Variants in ARID1B observed in about 807,000 individuals in gnomAD.
The protein encoded by ARID1B is AT-rich interactive domain-containing protein 1B.
ARID1B carries 30 observed loss-of-function variants against 212.3 expected under a neutral mutation model. The ratio of observed to expected loss-of-function variants is 0.14; its 90% CI spans 0.11 to 0.19. ARID1B has a LOEUF of 0.19. ARID1B is among the 10% of genes least tolerant of loss of function. The probability of loss-of-function intolerance (pLI) is 1.00; values close to 1 mark genes in which losing one functional copy is unlikely to be tolerated. For missense variants in ARID1B, 2,891 were observed against 3,204.0 expected (o/e 0.90, Z 2.36); for synonymous variants, 1,402 against 1,301.7 (o/e 1.08, Z -1.66).
At chr6:157,009,371 G>A (rs903086513) in intron 4 of ARID1B, among the ~76,000 whole-genome samples, 4 of 152,184 alleles carry the variant, frequency 2.6e-5, no homozygotes, top group African/African-American at 7.2e-5. Flanking sequence ...CAATGACCTG[G>A]AAGAGATGAC....
At chr6:157,205,368 G>A (rs907152176) in intron 19 of ARID1B, 1 of 152,152 alleles carries the variant, frequency 6.6e-6, no homozygotes, top group Admixed American at 6.5e-5. Flanking sequence ...TAAACATGGT[G>A]GGGGGTGTTG....
At chr6:157,204,141 A>C in intron 19 of ARID1B, 145 bp downstream of exon 19, 1 of 1,026,320 alleles carries the variant, frequency 9.7e-7, no homozygotes, top group African/African-American at 1.6e-5. Flanking sequence ...ACCAGCCTTA[A>C]TCAATGTAGA....
At chr6:157,012,352 C>T (rs577682902) in intron 4 of ARID1B, among the ~76,000 whole-genome samples, 4 of 152,318 alleles carry the variant, frequency 2.6e-5, no homozygotes, top group Non-Finnish European at 5.9e-5. Flanking sequence ...GTCCACCAGG[C>T]AGTTGTGAGA....
At chr6:156,984,182 A>G (rs147336759) in intron 4 of ARID1B, among the ~76,000 whole-genome samples, 1 of 152,108 alleles carries the variant, frequency 6.6e-6, no homozygotes, top group African/African-American at 2.4e-5. Flanking sequence ...CAAACCTTGG[A>G]GATGGGAAAC....
intron 2 of ARID1B, among the ~76,000 whole-genome samples, chr6:156,892,773 A>G (rs969866600): frequency 2.6e-5 from 4 of 152,200 alleles, no homozygotes; most frequent in Non-Finnish European, 1.5e-5. Context: ...CAAACAGACC[A>G]TATGGTGTGT....
rs919946683 is a variant in ARID1B at position 157,102,635 on chromosome 6, C to T, written c.2492-7837C>T. On this transcript the variant is annotated intron_variant, in intron 5 of 19. Coordinates refer to ENST00000636930, the MANE Select transcript of ARID1B (RefSeq NM_001374828.1). ...TTTTTTTTTTTTTTTTTTTTTGAGA[C>T]GGAGTCTTGCTCTGTCACCCAGGCT... Among the ~76,000 whole-genome samples, 9 of 98,902 alleles carry T rather than the reference C, an allele frequency of 9.1e-5. No individual in the cohort carries two copies. The South Asian group carries it at 1.8e-3, about 20-fold the overall frequency. The allele number at this position is 98,902 out of a possible 152,430, so 64.9% of individuals were successfully genotyped here.
In ARID1B at chr6:157,074,385, C is replaced by T. The variant is rs189310812; in HGVS notation, c.2248-10277C>T. 2.0e-3 allele frequency among the ~76,000 whole-genome samples: 300 copies of T among 152,152 alleles called. 3 individuals are homozygous for T. Among genetic ancestry groups the T allele is most frequent in the African/African-American group, 6.9e-3 (287 of 41,502 alleles). ...GGGATTACAGGTGTGCCTCACCACA[C>T]GGGGCTAATTTTTATTTTTAGTAGA... On this transcript the variant is annotated intron_variant, in intron 4 of 19. Coordinates refer to ENST00000636930, the MANE Select transcript of ARID1B (RefSeq NM_001374828.1).
At chr6:156,848,138 A>C (rs1784346463) in intron 2 of ARID1B, among the ~76,000 whole-genome samples, 1 of 152,242 alleles carries the variant, frequency 6.6e-6, no homozygotes, top group Non-Finnish European at 1.5e-5. Flanking sequence ...AACGGGAAGA[A>C]ATTTCCGATT....
At chr6:157,059,959 A>G (rs1347745892) in intron 4 of ARID1B, among the ~76,000 whole-genome samples, 1 of 152,198 alleles carries the variant, frequency 6.6e-6, no homozygotes, top group Non-Finnish European at 1.5e-5. Context: ...GTCCTTTCCA[A>G]GTGAATTAGT....
rs1464584006 is a variant in ARID1B, at chr6:157,209,062, A to G, written c.*1171A>G. ...AATGAAAAAAATACAACTAAAAGGA[A>G]GAAACACAACTTCAAAGATTTTTCA... On this transcript the variant is annotated 3_prime_UTR_variant, in exon 20 of 20. Transcript: ENST00000636930. The G allele has an allele frequency of 1.7e-5, 4 of 230,538 alleles. No individual in the cohort carries two copies. Among genetic ancestry groups the G allele is most frequent in the Non-Finnish European group, 3.4e-5 (4 of 116,414 alleles). 14.3% of individuals were successfully genotyped at this position (230,538 alleles called of 1,614,324 possible).
At chr6:156,792,356 C>T (rs1040860368) in intron 1 of ARID1B, among the ~76,000 whole-genome samples, 9 of 152,140 alleles carry the variant, frequency 5.9e-5, no homozygotes, top group African/African-American at 1.9e-4. Context: ...GTAATCCTAG[C>T]TCTTTGGGAA....
At chr6:157,053,558 A>G (rs1782742992) in intron 4 of ARID1B, among the ~76,000 whole-genome samples, 1 of 152,240 alleles carries the variant, frequency 6.6e-6, no homozygotes, top group Non-Finnish European at 1.5e-5. Context: ...CCTACTAGGC[A>G]ATTATTCAAT....
intron 2 of ARID1B, 94 bp downstream of exon 2, chr6:156,829,515 G>A (rs866466940): frequency 1.9e-5 from 24 of 1,263,924 alleles, no homozygotes; most frequent in Middle Eastern, 5.6e-4. Flanking sequence ...GAGAATTAGG[G>A]GGCATTGCAC....
At chr6:156,911,688 T>C (rs903963053) in intron 3 of ARID1B, among the ~76,000 whole-genome samples, 1 of 152,174 alleles carries the variant, frequency 6.6e-6, no homozygotes, top group Non-Finnish European at 1.5e-5. Flanking sequence ...TATAACACAT[T>C]TGTGTTTCTC....
At chr6:157,144,649 G>C (rs1273759839) in intron 7 of ARID1B, among the ~76,000 whole-genome samples, 1 of 150,394 alleles carries the variant, frequency 6.6e-6, no homozygotes, top group African/African-American at 2.5e-5. Flanking sequence ...GGGAAAAGTC[G>C]TGAGGACTGG....
intron 5 of ARID1B, among the ~76,000 whole-genome samples, chr6:157,089,768 G>A (rs1365551528): frequency 6.6e-6 from 1 of 152,138 alleles, no homozygotes; most frequent in African/African-American, 2.4e-5. Context: ...AATTGGCAGT[G>A]TGTATTCATA....
rs138871845 is a variant in ARID1B, at chr6:157,094,927, G to A, written c.2491+10022G>A. Among the ~76,000 whole-genome samples the A allele has an allele frequency of 2.0e-3, 299 of 152,316 alleles. No individual in the cohort carries two copies. The highest frequency in any genetic ancestry group is 6.9e-3 in the African/African-American group (288 of 41,566). Reference sequence around the variant, plus strand: ...TTCTGTACAGAAGACAGAGGAACACGTTTTTGAAGGGGAATCGAGAGTTTG... The same window carrying A: ...TTCTGTACAGAAGACAGAGGAACACATTTTTGAAGGGGAATCGAGAGTTTG... On this transcript the variant is annotated intron_variant, in intron 5 of 19. Transcript: ENST00000636930. This position sits in a 1 kb window ranked among gnomAD's most constrained non-coding sequence, Gnocchi z 4.3.
At position 157,039,743 on chromosome 6, in the gene ARID1B, C is replaced by CCCTTCCTTCCTCCCTT. The variant is rs149720012; in HGVS notation, c.2248-44908_2248-44907insCCCTTCCTTCCTTCCT. Among the ~76,000 whole-genome samples, 196 of 92,110 alleles carry CCCTTCCTTCCTCCCTT rather than the reference C, an allele frequency of 2.1e-3. 3 individuals are homozygous for CCCTTCCTTCCTCCCTT. The highest frequency in any genetic ancestry group is 4.2e-3 in the Admixed American group (39 of 9,180). 60.4% of individuals were successfully genotyped at this position (92,110 alleles called of 152,430 possible). On this transcript the variant is annotated intron_variant, in intron 4 of 19. Coordinates refer to ENST00000636930, the MANE Select transcript of ARID1B (RefSeq NM_001374828.1). ...CCTTTCTTTCTTTCCCTCCCTCCCT[C>CCCTTCCTTCCTCCCTT]CCTTCCTTCCTTCCTACCTTCCTAC...
At chr6:157,179,927 GA>G (rs67088419) in intron 11 of ARID1B, among the ~76,000 whole-genome samples, 23,268 of 151,564 alleles carry the variant, frequency 0.15, 3,880 homozygotes, top group African/African-American at 0.42. Context: ...AAGAAAAAAG[GA>G]AAAAAAACTT....
Sources: allele counts gnomAD v4.1 joint callset (sites outside exome capture counted in the v4.1 genomes callset), GRCh38; gene constraint gnomAD v4.1.1; non-coding constraint Gnocchi (gnomAD v3.1); transcripts MANE v1.5; gene names NCBI Gene and HGNC (gene_info 2026-07-23, HGNC 2026-07-21).